The following PRDM10 variants were observed in gnomAD, a reference collection of about 807,000 sequenced individuals.
PRDM10 encodes PR domain zinc finger protein 10.
Under a neutral mutation model 133.1 loss-of-function variants are expected in PRDM10, and 65 were observed. The ratio of observed to expected loss-of-function variants is 0.49; its 90% CI spans 0.40 to 0.60. The LOEUF (loss-of-function observed/expected upper bound fraction) is 0.60. Ranked by LOEUF, PRDM10 falls within the 20% of genes least tolerant of loss-of-function variation. PRDM10 has a pLI of 0.00. For synonymous variants in PRDM10, 582 were observed against 580.4 expected (o/e 1.00, Z -0.04); for missense variants, 1,137 against 1,507.1 (o/e 0.75, Z 4.07).
In PRDM10 at chr11:129,932,096, C is replaced by T. The variant is rs763718581; in HGVS notation, c.1287+6G>A. The stretch of plus-strand genomic sequence containing the variant: ...CTAAGGAGGGCTCCTTCCCGTCCCC[C>T]CGTACCTGTGTCCCATCGTCACTCT... On this transcript the variant is annotated splice_donor_region_variant and intron_variant, in intron 10 of 20. Coordinates refer to ENST00000360871, the MANE Select transcript of PRDM10 (RefSeq NM_199437.2). 2.0e-5 allele frequency: 33 copies of T among 1,613,320 alleles called. No homozygotes were observed. Among genetic ancestry groups the T allele is most frequent in the Non-Finnish European group, 2.6e-5 (31 of 1,179,634 alleles).
At chr11:129,906,840 T>C (rs138449985) in intron 19 of PRDM10, among the ~76,000 whole-genome samples, 1,974 of 152,146 alleles carry the variant, frequency 0.013, 44 homozygotes, top group African/African-American at 0.045. Context: ...TAGCCAGGCA[T>C]GGTGGCGGGT....
intron 11 of PRDM10, among the ~76,000 whole-genome samples, chr11:129,928,618 CT>C (rs1480198168): frequency 5.9e-5 from 9 of 152,034 alleles, no homozygotes; most frequent in Non-Finnish European, 1.3e-4. Context: ...TGGTCTCGAA[CT>C]CCTGGGCTCA....
At chr11:129,903,294 G>T (rs577062734) in intron 20 of PRDM10, among the ~76,000 whole-genome samples, 1 of 66,096 alleles carries the variant, frequency 1.5e-5, no homozygotes, top group Non-Finnish European at 3.1e-5. Flanking sequence ...GCGAAACTCC[G>T]TCTCAAAATA....
rs777997127 is a variant in PRDM10, at chr11:129,947,152, G to T, written c.513C>A (p.His171Gln). ...EPDPPRPFDPHDLWCEECNNA... is the reference protein window; with the variant it reads ...EPDPPRPFDPQDLWCEECNNA... ...ACCCGTGCCCACACTTACACAAGTC[G>T]TGTGGGTCGAAGGGCCGGGGCGGGT... is the stretch of plus-strand genomic sequence containing the variant. Residue 171 changes from histidine (H) to glutamine (Q), a missense_variant, in exon 5 of 21, where the codon CAC (histidine) becomes CAA (glutamine). His to Gln is a conservative substitution (Grantham distance 24). Coordinates refer to ENST00000360871, the MANE Select transcript of PRDM10 (RefSeq NM_199437.2). The surrounding 1 kb of genome is among the most constrained non-coding windows in gnomAD (Gnocchi z 4.6). 1.9e-6 allele frequency: 3 copies of T among 1,613,946 alleles called. No individual in the cohort carries two copies. Among genetic ancestry groups the T allele is most frequent in the Admixed American group, 1.7e-5 (1 of 59,996 alleles).
At position 129,899,742 on chromosome 11, in the gene PRDM10, A is replaced by G. The variant is rs575638359; in HGVS notation, c.*2571T>C. On this transcript the variant is annotated 3_prime_UTR_variant, in exon 21 of 21. Coordinates refer to ENST00000360871, the MANE Select transcript of PRDM10 (RefSeq NM_199437.2). ...CACACATACAAACATGTTTATTAAA[A>G]AATATATTTATTAATTTTTACACCT... 1.3e-5 allele frequency: 2 copies of G among 152,628 alleles called. No homozygotes were observed. The highest frequency in any genetic ancestry group is 2.9e-5 in the Non-Finnish European group (2 of 68,038). The allele number at this position is 152,628 out of a possible 1,614,324, so 9.5% of individuals were successfully genotyped here.
intron 19 of PRDM10, 34 bp from the exon 20 acceptor site, chr11:129,905,775 C>A: frequency 1.3e-6 from 2 of 1,576,290 alleles, no homozygotes; most frequent in South Asian, 2.2e-5. Context: ...GTTCAGTGGT[C>A]TCAGATTTTA....
At chr11:129,911,324 T>C (rs1950181047) in intron 18 of PRDM10, among the ~76,000 whole-genome samples, 1 of 152,184 alleles carries the variant, frequency 6.6e-6, no homozygotes, top group African/African-American at 2.4e-5. Context: ...CAAAATGAAA[T>C]GAAACCCAAA....
intron 1 of PRDM10, among the ~76,000 whole-genome samples, chr11:129,980,180 A>G (rs925435185): frequency 3.3e-5 from 5 of 152,234 alleles, no homozygotes; most frequent in African/African-American, 1.2e-4. Context: ...ACGACCAAGC[A>G]ATTCCACTGC....
intron 1 of PRDM10, among the ~76,000 whole-genome samples, chr11:129,969,251 G>A (rs1951967190): frequency 6.6e-6 from 1 of 152,188 alleles, no homozygotes. Flanking sequence ...GTATTCTTCA[G>A]GAATATTTAT....
Position 129,923,286 on chromosome 11 carries a change from T to C in PRDM10, c.1996A>G (p.Lys666Glu). Residue 666 changes from lysine to glutamate, a missense_variant, in exon 13 of 21, where the codon AAA becomes GAA. Lys to Glu is a moderately conservative substitution (Grantham distance 56, BLOSUM62 1). This residue lies in a region of PRDM10 where 78 missense variants were observed against 96.4 expected (regional missense o/e 0.81). Transcript: ENST00000360871. The surrounding 1 kb of genome is among the most constrained non-coding windows in gnomAD (Gnocchi z 4.4). ...CCACAGGTGGAACACAGGAAGTCTT[T>C]GCGGTCCGAATGCCGGAGCATGTGG... is the stretch of plus-strand genomic sequence containing the variant. The part of the protein sequence containing the change: ...RLHMLRHSDR[K>E]DFLCSTCGKQ... 6.3e-7 allele frequency: 1 copy of C among 1,597,478 alleles called. No individual in the cohort carries two copies. Among genetic ancestry groups the C allele is most frequent in the Non-Finnish European group, 8.5e-7 (1 of 1,171,402 alleles).
intron 1 of PRDM10, among the ~76,000 whole-genome samples, chr11:129,994,243 G>GGA (rs1938912873): frequency 1.0e-5 from 1 of 97,726 alleles, no homozygotes; most frequent in African/African-American, 7.0e-5. Context: ...GGCCGAGGCG[G>GGA]GTGGTCAGGA....
At chr11:129,995,327 C>T (rs1938991489) in intron 1 of PRDM10, among the ~76,000 whole-genome samples, 1 of 151,248 alleles carries the variant, frequency 6.6e-6, no homozygotes, top group Non-Finnish European at 1.5e-5. Context: ...GCTCTGACCC[C>T]TCTCCCATAC....
At chr11:129,902,618 A>G (rs1367482724) in intron 20 of PRDM10, 102 bp from the exon 21 acceptor site, 12 of 1,473,328 alleles carry the variant, frequency 8.1e-6, no homozygotes, top group Non-Finnish European at 1.1e-5. Context: ...CAAGGGACCC[A>G]AAATAGGCAT....
At position 129,923,691 on chromosome 11, in the gene PRDM10, A is replaced by AGAGAGC. The variant is rs1950592003; in HGVS notation, c.1879-289_1879-288insGCTCTC. 7.0e-6 allele frequency among the ~76,000 whole-genome samples: 1 copy of AGAGAGC among 143,364 alleles called. No individual in the cohort carries two copies. The highest frequency in any genetic ancestry group is 2.7e-5 in the African/African-American group (1 of 37,270). The allele number at this position is 143,364 out of a possible 152,430, so 94.1% of individuals were successfully genotyped here. A position where few individuals can be genotyped will look rare whatever the true frequency, so the allele number is the denominator to read the frequency against. On this transcript the variant is annotated intron_variant, in intron 12 of 20. Coordinates refer to ENST00000360871, the MANE Select transcript of PRDM10 (RefSeq NM_199437.2). The surrounding 1 kb of genome is among the most constrained non-coding windows in gnomAD (Gnocchi z 4.4). ...GAGAGAGAGAGAGAGAGAGAGAGAG[A>AGAGAGC]GAGTGCTTGCTTGGTCAAAGCCCTG...
intron 11 of PRDM10, among the ~76,000 whole-genome samples, chr11:129,930,391 A>G (rs1032572474): frequency 3.9e-5 from 6 of 152,232 alleles, no homozygotes; most frequent in Non-Finnish European, 8.8e-5. Context: ...AAATAATAAG[A>G]GAAAACGCAT....
At chr11:129,925,313 G>C in intron 11 of PRDM10, 84 bp from the exon 12 acceptor site, 4 of 1,260,122 alleles carry the variant, frequency 3.2e-6, no homozygotes, top group Non-Finnish European at 4.4e-6. Flanking sequence ...AAGAGAGGAT[G>C]ATCTCTGCAA....
At chr11:129,905,382 A>T (rs1353153726) in intron 20 of PRDM10, among the ~76,000 whole-genome samples, 4 of 151,624 alleles carry the variant, frequency 2.6e-5, no homozygotes, top group Non-Finnish European at 5.9e-5. Flanking sequence ...AAAAAAAAAA[A>T]AGGCTCATAG....
chr11:129,917,387 C>A, intron 14 of PRDM10, 150 bp from the exon 15 acceptor site: 1 of 613,050 alleles, frequency 1.6e-6, no homozygotes, highest in Non-Finnish European at 2.8e-6. Context: ...ACCAGGATCA[C>A]CAGACCCCAT....
chr11:129,907,141 G>A (rs1434773071), intron 19 of PRDM10, among the ~76,000 whole-genome samples: 1 of 152,110 alleles, frequency 6.6e-6, no homozygotes, highest in Non-Finnish European at 1.5e-5. Flanking sequence ...TGAAGTATCA[G>A]GAGGAAAAAA....
Sources: allele counts gnomAD v4.1 joint callset (sites outside exome capture counted in the v4.1 genomes callset), GRCh38; gene constraint gnomAD v4.1.1; regional missense constraint gnomAD v4.1.1; non-coding constraint Gnocchi (gnomAD v3.1); transcripts MANE v1.5; gene names NCBI Gene and HGNC (gene_info 2026-07-23, HGNC 2026-07-21).